The following SMARCA2 variants were observed in gnomAD, a reference collection of about 807,000 sequenced individuals.
The protein encoded by SMARCA2 is SWI/SNF related BAF chromatin remodeling complex subunit ATPase 2.
A neutral mutation model predicts 199.8 loss-of-function variants in SMARCA2; 61 were observed. The observed-to-expected ratio is 0.31, with a 90% confidence interval of 0.25 to 0.38. The LOEUF (loss-of-function observed/expected upper bound fraction) is 0.38. Ranked by LOEUF, SMARCA2 falls within the 10% of genes least tolerant of loss-of-function variation. The pLI is 1.00. For missense variants in SMARCA2, 1,344 were observed against 2,012.2 expected (o/e 0.67, Z 6.35); for synonymous variants, 935 against 732.0 (o/e 1.28, Z -4.48).
Position 2,039,561 on chromosome 9 carries a change from A to G in SMARCA2, c.451A>G (p.Ser151Gly). ...GGPTPPQMPP[S>G]QPGALIPGDP... Reference sequence around the variant, plus strand: ...CCCAACTCCACCTCAGATGCCACCAAGCCAGCCGGGGGCCCTCATCCCAGG... The same window carrying G: ...CCCAACTCCACCTCAGATGCCACCAGGCCAGCCGGGGGCCCTCATCCCAGG... Residue 151 changes from serine to glycine, a missense_variant, in exon 4 of 34, where the codon AGC becomes GGC. Transcript: ENST00000349721. This position sits in a 1 kb window ranked among gnomAD's most constrained non-coding sequence, Gnocchi z 4.8. The G allele has an allele frequency of 3.7e-6, 6 of 1,614,136 alleles. No individual in the cohort carries two copies. Among genetic ancestry groups the G allele is most frequent in the Non-Finnish European group, 5.1e-6 (6 of 1,180,018 alleles).
At chr9:2,067,547 C>G (rs947687367) in intron 9 of SMARCA2, among the ~76,000 whole-genome samples, 45 of 152,196 alleles carry the variant, frequency 3.0e-4, no homozygotes, top group African/African-American at 1.0e-3. Context: ...CTGGATTGTA[C>G]ATGTCGAAAT....
chr9:2,146,853 C>A (rs183222727), intron 27 of SMARCA2, among the ~76,000 whole-genome samples: 1 of 152,140 alleles, frequency 6.6e-6, no homozygotes, highest in African/African-American at 2.4e-5. Flanking sequence ...TCATCACCAT[C>A]TTGGTTTTGG....
At chr9:2,060,794 C>A in intron 8 of SMARCA2, 22 bp from the exon 9 acceptor site, 1 of 1,611,346 alleles carries the variant, frequency 6.2e-7, no homozygotes, top group South Asian at 1.1e-5. Flanking sequence ...ATGCTCTCAT[C>A]CTGCTCTTCT....
intron 8 of SMARCA2, among the ~76,000 whole-genome samples, chr9:2,059,239 T>G: frequency 6.6e-6 from 1 of 152,202 alleles, no homozygotes; most frequent in Non-Finnish European, 1.5e-5. Flanking sequence ...CCTGCATAGA[T>G]GAAGATAAGG....
rs747247552 is a variant in SMARCA2, at chr9:2,039,707, C to G, written c.597C>G (p.Pro199=). ...TGCTGGCCCGAGGCCAGCCCCTCCC[C>G]GAAACGCTGCAGCTTGCAGTCCAGG... ...YKMLARGQPL[P]ETLQLAVQGK... is the part of the protein sequence containing the mutation. The change falls in exon 4 of 34, where the codon CCC becomes CCG. Residue 199 remains proline (P), a synonymous_variant. Coordinates refer to ENST00000349721, the MANE Select transcript of SMARCA2 (RefSeq NM_003070.5). This position sits in a 1 kb window ranked among gnomAD's most constrained non-coding sequence, Gnocchi z 4.8. The G allele has an allele frequency of 6.2e-7, 1 of 1,613,972 alleles. No homozygotes were observed. Among genetic ancestry groups the G allele is most frequent in the Non-Finnish European group, 8.5e-7 (1 of 1,180,040 alleles).
chr9:2,134,499 A>G (rs896105265), intron 27 of SMARCA2, among the ~76,000 whole-genome samples: 3 of 151,980 alleles, frequency 2.0e-5, no homozygotes, highest in African/African-American at 7.3e-5. Flanking sequence ...GCCAACCTAT[A>G]CCCACATGGC....
intron 4 of SMARCA2, chr9:2,043,844 C>A (rs1819718912): frequency 6.6e-6 from 1 of 152,198 alleles, no homozygotes; most frequent in Admixed American, 6.5e-5. Flanking sequence ...TCTGGAGGGC[C>A]AGAGTTTCTA....
intron 23 of SMARCA2, among the ~76,000 whole-genome samples, chr9:2,106,339 C>T (rs1258196446): frequency 6.6e-6 from 1 of 152,182 alleles, no homozygotes; most frequent in Admixed American, 6.5e-5. Flanking sequence ...TTAAAATTTT[C>T]AATTGACTAA....
At chr9:2,162,832 C>G (rs904833259) in intron 28 of SMARCA2, 7 of 152,176 alleles carry the variant, frequency 4.6e-5, no homozygotes, top group African/African-American at 1.7e-4. Context: ...GCAAGCTCCT[C>G]TTCTAGCTCC....
At chr9:2,126,601 T>C (rs557166744) in intron 27 of SMARCA2, among the ~76,000 whole-genome samples, 1 of 152,380 alleles carries the variant, frequency 6.6e-6, no homozygotes, top group South Asian at 2.1e-4. Flanking sequence ...CAACATGGCC[T>C]TGAAAGGGAG....
chr9:2,181,732 G>C, intron 30 of SMARCA2, 56 bp downstream of exon 30: 1 of 957,992 alleles, frequency 1.0e-6, no homozygotes, highest in Admixed American at 1.8e-5. Flanking sequence ...GCAGTGTAAA[G>C]TCATTGAAAT....
At chr9:2,040,214 T>A in intron 4 of SMARCA2, 1 of 567,144 alleles carries the variant, frequency 1.8e-6, no homozygotes, top group Non-Finnish European at 3.1e-6. Context: ...CACACAAGGT[T>A]AAGAACCTCT....
intron 9 of SMARCA2, among the ~76,000 whole-genome samples, chr9:2,066,478 G>A (rs1197907077): frequency 1.3e-5 from 2 of 152,176 alleles, no homozygotes; most frequent in Non-Finnish European, 1.5e-5. Context: ...ATGAATTGAC[G>A]TTGGCCTTGG....
At chr9:2,167,848 A>C (rs562684992) in intron 28 of SMARCA2, among the ~76,000 whole-genome samples, 40 of 152,140 alleles carry the variant, frequency 2.6e-4, no homozygotes, top group Non-Finnish European at 4.4e-4. Context: ...CTAGCTCATC[A>C]TGCAGTGGAA....
intron 5 of SMARCA2, 105 bp from the exon 6 acceptor site, chr9:2,054,491 AT>A (rs1345168401): frequency 7.5e-7 from 1 of 1,327,798 alleles, no homozygotes; most frequent in Non-Finnish European, 1.0e-6. Context: ...TATCTGGAAT[AT>A]GTTTTGCCCC....
intron 1 of SMARCA2, 126 bp from the exon 2 acceptor site, chr9:2,028,861 C>A: frequency 2.7e-6 from 2 of 751,152 alleles, no homozygotes; most frequent in East Asian, 2.7e-5. Flanking sequence ...AACATCTGGA[C>A]TAGACAGGGC....
intron 24 of SMARCA2, among the ~76,000 whole-genome samples, chr9:2,114,925 T>A (rs977108746): frequency 1.3e-5 from 2 of 152,180 alleles, no homozygotes; most frequent in Non-Finnish European, 2.9e-5. Context: ...CTTTTTAACT[T>A]GTTTTCACTT....
chr9:2,186,430 TA>T (rs1827459568), intron 32 of SMARCA2, among the ~76,000 whole-genome samples: 2 of 152,210 alleles, frequency 1.3e-5, no homozygotes, highest in South Asian at 4.1e-4. Context: ...ACTGAGGTCA[TA>T]AAAATGACCT....
At chr9:2,065,402 A>G (rs1008273815) in intron 9 of SMARCA2, among the ~76,000 whole-genome samples, 4 of 152,204 alleles carry the variant, frequency 2.6e-5, no homozygotes, top group African/African-American at 7.2e-5. Flanking sequence ...TATAGTCTTC[A>G]TTGGAGTGTT....
Sources: allele counts gnomAD v4.1 joint callset (sites outside exome capture counted in the v4.1 genomes callset), GRCh38; gene constraint gnomAD v4.1.1; non-coding constraint Gnocchi (gnomAD v3.1); transcripts MANE v1.5; gene names NCBI Gene and HGNC (gene_info 2026-07-23, HGNC 2026-07-21).